Variants in SCLT1 observed in about 807,000 individuals in gnomAD.
SCLT1 encodes sodium channel and clathrin linker 1.
Under a neutral mutation model 112.8 loss-of-function variants are expected in SCLT1, and 78 were observed. That is an observed-to-expected ratio of 0.69 (90% CI 0.58 to 0.83). SCLT1 has a LOEUF of 0.83. SCLT1 is among the 40% of genes least tolerant of loss of function. The pLI, the probability that SCLT1 is intolerant of heterozygous loss-of-function variation, is 0.00. For synonymous variants in SCLT1, 257 were observed against 254.7 expected, an observed-to-expected ratio of 1.01 and a Z score of -0.09; for missense variants, 747 against 770.4, an observed-to-expected ratio of 0.97 and a Z score of 0.36.
intron 1 of SCLT1, among the ~76,000 whole-genome samples, chr4:129,090,249 A>G (rs935814473): frequency 2.0e-5 from 3 of 152,224 alleles, no homozygotes; most frequent in Non-Finnish European, 4.4e-5. Context: ...TAAAGCTGCA[A>G]TAATTAAGAC....
intron 1 of SCLT1, among the ~76,000 whole-genome samples, chr4:129,089,091 T>G (rs1353573690): frequency 1.3e-5 from 2 of 152,212 alleles, no homozygotes; most frequent in East Asian, 3.8e-4. Flanking sequence ...AGAAAATTTT[T>G]GCAATTTATC....
At position 129,029,064 on chromosome 4, in the gene SCLT1, T is replaced by G. The variant is rs566990221; in HGVS notation, c.290+9977A>C. On this transcript the variant is annotated intron_variant, in intron 5 of 20. Transcript: ENST00000281142. The stretch of plus-strand genomic sequence containing the variant: ...GAGGATGCGGAGAAATAGGAACACT[T>G]TTACACTGTTGGTGGGACTGTAAAG... Among the ~76,000 whole-genome samples, 106 of 152,196 alleles carry G rather than the reference T, an allele frequency of 7.0e-4. 2 individuals are homozygous for G. The highest frequency in any genetic ancestry group is 2.5e-3 in the African/African-American group (103 of 41,530).
At chr4:128,985,437 AAGT>A (rs1742007036) in intron 9 of SCLT1, among the ~76,000 whole-genome samples, 1 of 152,160 alleles carries the variant, frequency 6.6e-6, no homozygotes, top group African/African-American at 2.4e-5. Flanking sequence ...GCTGAGTGTG[AAGT>A]AGTATCATGT....
intron 19 of SCLT1, among the ~76,000 whole-genome samples, chr4:128,889,128 G>T (rs1040100674): frequency 6.6e-6 from 1 of 152,172 alleles, no homozygotes; most frequent in African/African-American, 2.4e-5. Context: ...TAGTAGGGGT[G>T]GGATGAACTG....
chr4:129,074,645 AAAG>A (rs577423076), intron 2 of SCLT1, among the ~76,000 whole-genome samples: 6 of 152,348 alleles, frequency 3.9e-5, no homozygotes, highest in Non-Finnish European at 8.8e-5. Context: ...GGAATAATTT[AAAG>A]AATTGTGTAT....
intron 18 of SCLT1, among the ~76,000 whole-genome samples, chr4:128,910,520 C>A (rs957832102): frequency 3.9e-5 from 6 of 152,196 alleles, no homozygotes; most frequent in African/African-American, 1.4e-4. Context: ...TTTCCAGTAT[C>A]CCATTTGTCA....
intron 13 of SCLT1, among the ~76,000 whole-genome samples, chr4:128,956,110 C>T (rs1739192834): frequency 2.6e-5 from 4 of 152,078 alleles, no homozygotes; most frequent in Admixed American, 2.6e-4. Flanking sequence ...TTTCCGTTTG[C>T]AAAACATTTG....
At chr4:129,042,348 T>C (rs533302957) in intron 4 of SCLT1, among the ~76,000 whole-genome samples, 4 of 152,272 alleles carry the variant, frequency 2.6e-5, no homozygotes, top group Admixed American at 2.0e-4. Context: ...ATATTAGGCA[T>C]ACTCTAAACA....
chr4:129,030,555 G>T (rs147213254), intron 5 of SCLT1, among the ~76,000 whole-genome samples: 1 of 151,488 alleles, frequency 6.6e-6, no homozygotes, highest in Non-Finnish European at 1.5e-5. Flanking sequence ...CAATATAGAC[G>T]GACCTCTAGC....
intron 16 of SCLT1, 37 bp downstream of exon 16, chr4:128,945,970 A>C (rs201962695): frequency 6.9e-7 from 1 of 1,457,978 alleles, no homozygotes; most frequent in East Asian, 2.3e-5. Context: ...GTGAATTCTG[A>C]AGATGTTATC....
chr4:128,895,931 C>T (rs189661621), intron 18 of SCLT1, among the ~76,000 whole-genome samples: 13 of 152,318 alleles, frequency 8.5e-5, no homozygotes, highest in African/African-American at 2.6e-4. Flanking sequence ...CACGGAGCCT[C>T]GCTCATTGCT....
At chr4:129,029,099 C>T (rs1222140548) in intron 5 of SCLT1, among the ~76,000 whole-genome samples, 2 of 152,098 alleles carry the variant, frequency 1.3e-5, no homozygotes, top group Non-Finnish European at 2.9e-5. Context: ...GTAGTTCAAC[C>T]CTTGTGGAAG....
chr4:129,076,204 A>G (rs1040578229), intron 2 of SCLT1, among the ~76,000 whole-genome samples: 1 of 152,108 alleles, frequency 6.6e-6, no homozygotes, highest in African/African-American at 2.4e-5. Context: ...TCCTTTGTCT[A>G]TGTTATTCAT....
At chr4:129,030,865 A>C (rs910194982) in intron 5 of SCLT1, among the ~76,000 whole-genome samples, 3 of 152,060 alleles carry the variant, frequency 2.0e-5, no homozygotes, top group Non-Finnish European at 2.9e-5. Context: ...TTCACAGCCG[A>C]ATTCTACATC....
rs76396253 is a variant in SCLT1, at chr4:129,039,124, T to C, written c.235-28A>G. 3.0e-3 allele frequency: 4,517 copies of C among 1,525,764 alleles called. 70 individuals are homozygous for C. In the African/African-American group the frequency reaches 0.031, roughly 11 times the overall value. The allele number at this position is 1,525,764 out of a possible 1,614,324, so 94.5% of individuals were successfully genotyped here. A position where few individuals can be genotyped will look rare whatever the true frequency, so the allele number is the denominator to read the frequency against. ...GAAAGAATAAAATATGGTGTGGCAA[T>C]ACATTTTGCAGACAATCAGATCTCC... On this transcript the variant is annotated intron_variant, in intron 4 of 20. Transcript: ENST00000281142.
rs1446786576 is a variant in SCLT1 at position 129,044,900 on chromosome 4, T to A, written c.103-849A>T. Among the ~76,000 whole-genome samples, 4 of 145,176 alleles carry A rather than the reference T, an allele frequency of 2.8e-5. No homozygotes were observed. In the East Asian group the frequency reaches 6.0e-4, roughly 22 times the overall value. ...GTTACTACATAGCAAAACACCACAATGCTATAGCAATTTAAACAGTATGCT... is the reference window on the plus strand; with the variant it reads ...GTTACTACATAGCAAAACACCACAAAGCTATAGCAATTTAAACAGTATGCT... On this transcript the variant is annotated intron_variant, in intron 2 of 20. Coordinates refer to ENST00000281142, the MANE Select transcript of SCLT1 (RefSeq NM_144643.4).
At chr4:128,920,163 T>C (rs1735774053) in intron 18 of SCLT1, among the ~76,000 whole-genome samples, 1 of 152,134 alleles carries the variant, frequency 6.6e-6, no homozygotes, top group Non-Finnish European at 1.5e-5. Flanking sequence ...TACTAGCAAA[T>C]TGAATCCAGC....
At chr4:129,053,799 A>G (rs1431701945) in intron 2 of SCLT1, among the ~76,000 whole-genome samples, 1 of 151,934 alleles carries the variant, frequency 6.6e-6, no homozygotes, top group Non-Finnish European at 1.5e-5. Context: ...TGTCATCATG[A>G]TGCTAGCTGG....
intron 9 of SCLT1, among the ~76,000 whole-genome samples, chr4:128,979,659 GT>G (rs1445765839): frequency 6.6e-6 from 1 of 152,190 alleles, no homozygotes; most frequent in Non-Finnish European, 1.5e-5. Flanking sequence ...CAAAGCCTAT[GT>G]TTTTTAAATT....
Sources: gnomAD v4.1 joint callset for allele counts (sites outside exome capture counted in the v4.1 genomes callset) on GRCh38, gnomAD v4.1.1 for gene constraint, MANE v1.5 for transcripts, NCBI Gene and HGNC (gene_info 2026-07-23, HGNC 2026-07-21) for gene names.